Variants in DENND2A observed in about 807,000 individuals in gnomAD.
The protein encoded by DENND2A is DENN domain-containing protein 2A.
DENND2A carries 53 observed loss-of-function variants against 105.3 expected under a neutral mutation model. That is an observed-to-expected ratio of 0.50 (90% confidence interval 0.40 to 0.63). The LOEUF (loss-of-function observed/expected upper bound fraction) is 0.63, where lower values mean the gene tolerates loss of function less well. Among genes scored for constraint, DENND2A ranks in the 30% least tolerant of loss-of-function variants. The pLI is 0.00. For synonymous variants in DENND2A, 522 were observed against 508.4 expected, an observed-to-expected ratio of 1.03 and a Z score of -0.36; for missense variants, 1,138 against 1,279.6, an observed-to-expected ratio of 0.89 and a Z score of 1.69.
chr7:140,604,990 G>C (rs976373990), intron 2 of DENND2A, among the ~76,000 whole-genome samples: 1 of 152,176 alleles, frequency 6.6e-6, no homozygotes, highest in Non-Finnish European at 1.5e-5. Flanking sequence ...TATTGTCTAA[G>C]AGCCCAAACA....
intron 1 of DENND2A, among the ~76,000 whole-genome samples, chr7:140,610,408 G>A (rs540483919): frequency 2.5e-4 from 38 of 151,680 alleles, no homozygotes; most frequent in Admixed American, 1.5e-3. Flanking sequence ...TCCCAATTAC[G>A]TCTGTGAATT....
intron 16 of DENND2A, among the ~76,000 whole-genome samples, chr7:140,524,918 C>T (rs1796000872): frequency 6.7e-6 from 1 of 148,158 alleles, no homozygotes; most frequent in East Asian, 2.0e-4. Flanking sequence ...CGGAGTCTCG[C>T]TCTGTCGCCC....
At chr7:140,530,467 TAGC>T (rs1182666154) in intron 14 of DENND2A, among the ~76,000 whole-genome samples, 1 of 152,120 alleles carries the variant, frequency 6.6e-6, no homozygotes, top group Non-Finnish European at 1.5e-5. Flanking sequence ...AGTCAGGAAA[TAGC>T]AGCATGGCAT....
chr7:140,611,508 A>T (rs866238989), intron 1 of DENND2A, among the ~76,000 whole-genome samples: 13 of 152,206 alleles, frequency 8.5e-5, no homozygotes, highest in South Asian at 4.1e-4. Context: ...ACTGCACTCC[A>T]GCCTACACAA....
chr7:140,639,585 CT>C (rs1393303816), intron 1 of DENND2A, among the ~76,000 whole-genome samples: 1 of 152,170 alleles, frequency 6.6e-6, no homozygotes, highest in African/African-American at 2.4e-5. Flanking sequence ...TCTTTCTCTT[CT>C]TTTATGTGGT....
chr7:140,636,775 A>G (rs550143495), intron 1 of DENND2A, among the ~76,000 whole-genome samples: 81 of 148,320 alleles, frequency 5.5e-4, no homozygotes, highest in African/African-American at 1.6e-3. Flanking sequence ...TGCAGCCTCA[A>G]CCTCCCTAGG....
intron 19 of DENND2A, 100 bp downstream of exon 19, chr7:140,519,532 A>G: frequency 9.8e-7 from 1 of 1,015,992 alleles, no homozygotes; most frequent in Non-Finnish European, 1.5e-6. Flanking sequence ...AGAGCTCTGC[A>G]TTATTCAGGG....
intron 1 of DENND2A, among the ~76,000 whole-genome samples, chr7:140,610,806 G>A (rs1799867158): frequency 1.3e-5 from 2 of 152,220 alleles, no homozygotes; most frequent in Non-Finnish European, 2.9e-5. Context: ...AGCGGGCTAT[G>A]CCTGAGGGGA....
At chr7:140,534,419 AC>A (rs1458491757) in intron 14 of DENND2A, among the ~76,000 whole-genome samples, 11 of 152,138 alleles carry the variant, frequency 7.2e-5, no homozygotes. Flanking sequence ...GCCCCTAAAC[AC>A]TAAAAGGAAA....
At chr7:140,639,314 C>A (rs886823859) in intron 1 of DENND2A, among the ~76,000 whole-genome samples, 4 of 151,764 alleles carry the variant, frequency 2.6e-5, no homozygotes, top group African/African-American at 9.7e-5. Flanking sequence ...ATTGCACTAC[C>A]GCACTCCAGC....
intron 3 of DENND2A, among the ~76,000 whole-genome samples, chr7:140,595,851 C>T (rs981276483): frequency 1.3e-5 from 2 of 152,126 alleles, no homozygotes; most frequent in Non-Finnish European, 2.9e-5. Context: ...GGATGCCACG[C>T]GCTGACTTCC....
At chr7:140,603,199 T>C (rs1318043312) in intron 2 of DENND2A, among the ~76,000 whole-genome samples, 1 of 137,422 alleles carries the variant, frequency 7.3e-6, no homozygotes, top group Non-Finnish European at 1.6e-5. Flanking sequence ...GGCAGGAGAA[T>C]TGCTGGAACC....
rs1563137693 is a variant in DENND2A, at chr7:140,555,620, A to C, written c.2037+16T>G. The C allele has an allele frequency of 6.2e-7, 1 of 1,611,006 alleles. No individual in the cohort carries two copies. The highest frequency in any genetic ancestry group is 8.5e-7 in the Non-Finnish European group (1 of 1,178,838). On this transcript the variant is annotated intron_variant, in intron 12 of 19. Transcript: ENST00000496613. Reference sequence around the variant, plus strand: ...CGTTCCTTCCCTTCCTCTTTCTCTGAGGTCCAAGTTCTCACCCTTGAAAAG... The same window carrying C: ...CGTTCCTTCCCTTCCTCTTTCTCTGCGGTCCAAGTTCTCACCCTTGAAAAG...
chr7:140,582,903 T>C (rs1798601865), intron 5 of DENND2A, among the ~76,000 whole-genome samples: 1 of 152,228 alleles, frequency 6.6e-6, no homozygotes, highest in Non-Finnish European at 1.5e-5. Context: ...AAATAGAATA[T>C]ATACATTTTT....
At chr7:140,611,042 G>GTTA (rs963180883) in intron 1 of DENND2A, among the ~76,000 whole-genome samples, 2 of 152,150 alleles carry the variant, frequency 1.3e-5, no homozygotes, top group Admixed American at 6.5e-5. Context: ...ACAGAGCACT[G>GTTA]TTATTATTAT....
At chr7:140,588,395 T>G (rs1292967398) in intron 3 of DENND2A, among the ~76,000 whole-genome samples, 1 of 152,086 alleles carries the variant, frequency 6.6e-6, no homozygotes, top group Non-Finnish European at 1.5e-5. Flanking sequence ...GGCTCACTAG[T>G]ATAGACAGGG....
intron 4 of DENND2A, among the ~76,000 whole-genome samples, chr7:140,586,839 T>C (rs1172361361): frequency 1.3e-5 from 2 of 152,222 alleles, no homozygotes; most frequent in African/African-American, 4.8e-5. Context: ...GTATTGATGA[T>C]TACATGCCAG....
At chr7:140,587,596 C>G (rs879440801) in intron 4 of DENND2A, 57 bp downstream of exon 4, 37 of 1,607,820 alleles carry the variant, frequency 2.3e-5, no homozygotes, top group Non-Finnish European at 3.1e-5. Flanking sequence ...GCCCCATTCT[C>G]CCTCCCCTTT....
intron 18 of DENND2A, 43 bp from the exon 19 acceptor site, chr7:140,519,761 T>C (rs758420881): frequency 1.9e-6 from 3 of 1,567,752 alleles, no homozygotes; most frequent in Admixed American, 3.3e-5. Flanking sequence ...TCTTGGTCTT[T>C]GCACTTCTAA....
Sources: allele counts gnomAD v4.1 joint callset (sites outside exome capture counted in the v4.1 genomes callset), GRCh38; gene constraint gnomAD v4.1.1; transcripts MANE v1.5; gene names NCBI Gene and HGNC (gene_info 2026-07-23, HGNC 2026-07-21).